Variants in LYPLAL1 observed in about 807,000 individuals in gnomAD.
The protein encoded by LYPLAL1 is lysophospholipase-like protein 1.
A neutral mutation model predicts 19.7 loss-of-function variants in LYPLAL1; 23 were observed. That is an observed-to-expected ratio of 1.17 (90% CI 0.84 to 1.65). The LOEUF (loss-of-function observed/expected upper bound fraction) is 1.65. Ranked by LOEUF, LYPLAL1 falls within the 40% of genes most tolerant of loss-of-function variation. The pLI is 0.00. For synonymous variants in LYPLAL1, 119 were observed against 96.3 expected (o/e 1.24, Z -1.38); for missense variants, 355 against 279.4 (o/e 1.27, Z -1.93).
the LYPLAL1 span, among the ~76,000 whole-genome samples, chr1:219,412,191 A>C: frequency 6.6e-6 from 1 of 152,200 alleles, no homozygotes. Flanking sequence ...ACACACCACC[A>C]TACCCAGCTA....
the LYPLAL1 span, among the ~76,000 whole-genome samples, chr1:219,250,584 T>C: frequency 6.8e-6 from 1 of 146,566 alleles, no homozygotes; most frequent in African/African-American, 2.5e-5. Flanking sequence ...TGTTAGTTTG[T>C]TAAGGATATT....
At chr1:219,190,814 C>A (rs1657119210) in intron 2 of LYPLAL1, among the ~76,000 whole-genome samples, 1 of 151,424 alleles carries the variant, frequency 6.6e-6, no homozygotes, top group African/African-American at 2.4e-5. Flanking sequence ...GTCAGCAATT[C>A]CACTTATGTG....
chr1:219,377,077 AC>A, the LYPLAL1 span, among the ~76,000 whole-genome samples: 1 of 152,190 alleles, frequency 6.6e-6, no homozygotes, highest in African/African-American at 2.4e-5. Flanking sequence ...GGCAAAATCA[AC>A]CCAAAGTGTC....
intron 3 of LYPLAL1, chr1:219,199,904 A>T (rs1657951131): frequency 4.4e-6 from 1 of 228,250 alleles, no homozygotes; most frequent in Admixed American, 4.0e-5. Context: ...AGCAAATTTC[A>T]CTGGCCTCAC....
At chr1:219,439,421 C>T in the LYPLAL1 span, among the ~76,000 whole-genome samples, 1 of 152,186 alleles carries the variant, frequency 6.6e-6, no homozygotes, top group South Asian at 2.1e-4. Context: ...CCTGCCTCTT[C>T]CATGATACGT....
At chr1:219,203,430 G>T (rs1462467133) in intron 3 of LYPLAL1, among the ~76,000 whole-genome samples, 1 of 151,976 alleles carries the variant, frequency 6.6e-6, no homozygotes, top group Non-Finnish European at 1.5e-5. Context: ...GAGTATAAAA[G>T]AAACTGAGAA....
At chr1:219,251,132 G>A in the LYPLAL1 span, among the ~76,000 whole-genome samples, 1 of 151,728 alleles carries the variant, frequency 6.6e-6, no homozygotes. Flanking sequence ...TAATGGGGTT[G>A]TTTTTCTCAT....
chr1:219,361,232 T>C, the LYPLAL1 span, among the ~76,000 whole-genome samples: 127,218 of 152,122 alleles, frequency 0.84, 54,023 homozygotes, highest in East Asian at 0.97. Context: ...TGGTGGGCTA[T>C]GTATGCCCTA....
intron 3 of LYPLAL1, chr1:219,198,499 A>G (rs936540352): frequency 6.6e-6 from 1 of 152,124 alleles, no homozygotes; most frequent in South Asian, 2.1e-4. Flanking sequence ...ATTTTTTCTC[A>G]TAATGGAAAT....
the LYPLAL1 span, among the ~76,000 whole-genome samples, chr1:219,429,242 G>A: frequency 6.6e-5 from 10 of 152,234 alleles, no homozygotes; most frequent in Non-Finnish European, 1.5e-4. Context: ...CTCGTAATTC[G>A]GATCTCATCC....
intron 3 of LYPLAL1, among the ~76,000 whole-genome samples, chr1:219,204,934 C>A (rs1390593420): frequency 6.6e-6 from 1 of 151,910 alleles, no homozygotes; most frequent in Non-Finnish European, 1.5e-5. Flanking sequence ...ATAATATAAG[C>A]ATATTATCAG....
At chr1:219,257,872 G>C in the LYPLAL1 span, among the ~76,000 whole-genome samples, 1 of 151,936 alleles carries the variant, frequency 6.6e-6, no homozygotes, top group African/African-American at 2.4e-5. Context: ...GGAGACCAGG[G>C]CATATTTCAG....
the LYPLAL1 span, among the ~76,000 whole-genome samples, chr1:219,439,299 G>C: frequency 1.3e-5 from 2 of 152,038 alleles, no homozygotes; most frequent in East Asian, 3.9e-4. Flanking sequence ...TGGAACTCTT[G>C]GTAACCTCCC....
At chr1:219,301,795 C>A in the LYPLAL1 span, among the ~76,000 whole-genome samples, 4 of 152,122 alleles carry the variant, frequency 2.6e-5, no homozygotes, top group Non-Finnish European at 5.9e-5. Flanking sequence ...CATTTTAATT[C>A]TTTTTCTCAT....
rs1242655134 is a variant in LYPLAL1, at chr1:219,198,615, T to G, written c.361+5364T>G. On this transcript the variant is annotated intron_variant, in intron 3 of 4. Transcript: ENST00000366928. ...TTCCAGAATAATTTTTTCTTATTCT[T>G]TACCTTAATTTTTAAGGGTATTCAA... 3.9e-5 allele frequency: 6 copies of G among 152,276 alleles called. No homozygotes were observed. The South Asian group carries it at 1.2e-3, about 32-fold the overall frequency. 9.4% of individuals were successfully genotyped at this position (152,276 alleles called of 1,614,324 possible). A position where few individuals can be genotyped will look rare whatever the true frequency, so the allele number is the denominator to read the frequency against.
the LYPLAL1 span, among the ~76,000 whole-genome samples, chr1:219,402,525 GTTAA>G: frequency 6.6e-6 from 1 of 151,360 alleles, no homozygotes; most frequent in Non-Finnish European, 1.5e-5. Flanking sequence ...AAGTCAATCA[GTTAA>G]TTATTCTTGG....
chr1:219,222,962 G>C, the LYPLAL1 span: 1 of 152,002 alleles, frequency 6.6e-6, no homozygotes, highest in Admixed American at 6.6e-5. Context: ...TATTCTTGAG[G>C]GCAGAGCCAT....
At chr1:219,235,104 T>C in the LYPLAL1 span, among the ~76,000 whole-genome samples, 1 of 152,160 alleles carries the variant, frequency 6.6e-6, no homozygotes, top group African/African-American at 2.4e-5. Flanking sequence ...GACCAAGATA[T>C]CCTGAAGAAA....
chr1:219,327,328 C>A, the LYPLAL1 span, among the ~76,000 whole-genome samples: 57 of 152,222 alleles, frequency 3.7e-4, no homozygotes, highest in African/African-American at 1.4e-3. Flanking sequence ...CTCATGTATT[C>A]TACTGGCCCA....
Sources: allele counts gnomAD v4.1 joint callset (sites outside exome capture counted in the v4.1 genomes callset), GRCh38; gene constraint gnomAD v4.1.1; transcripts MANE v1.5; gene names NCBI Gene and HGNC (gene_info 2026-07-23, HGNC 2026-07-21).